CSMD3: variants seen among roughly 807,000 people sequenced by gnomAD.
CSMD3 encodes the protein CUB and Sushi multiple domains 3, also known as CUB and sushi domain-containing protein 3.
Under a neutral mutation model 435.2 loss-of-function variants are expected in CSMD3, and 177 were observed. The ratio of observed to expected loss-of-function variants is 0.41; its 90% CI spans 0.36 to 0.46. CSMD3 has a LOEUF of 0.46. Among genes scored for constraint, CSMD3 ranks in the 20% least tolerant of loss-of-function variants. The pLI, the probability that CSMD3 is intolerant of heterozygous loss-of-function variation, is 0.34. For synonymous variants in CSMD3, 1,656 were observed against 1,520.5 expected (o/e 1.09, Z -2.07); for missense variants, 4,265 against 4,504.6 (o/e 0.95, Z 1.52).
At chr8:113,079,425 CTT>C (rs2089467677) in intron 5 of CSMD3, among the ~76,000 whole-genome samples, 1 of 151,940 alleles carries the variant, frequency 6.6e-6, no homozygotes, top group Non-Finnish European at 1.5e-5. Context: ...TAGTATCACA[CTT>C]TGATTTTTTT....
intron 7 of CSMD3, among the ~76,000 whole-genome samples, chr8:112,960,850 T>C (rs2084199791): frequency 6.6e-6 from 1 of 151,740 alleles, no homozygotes; most frequent in African/African-American, 2.4e-5. Context: ...TATAATTATG[T>C]AAAATCGTAA....
chr8:112,986,804 C>G (rs1293701344), intron 6 of CSMD3, among the ~76,000 whole-genome samples: 1 of 152,000 alleles, frequency 6.6e-6, no homozygotes, highest in Non-Finnish European at 1.5e-5. Context: ...TTTACCCAAC[C>G]TCACAATATC....
intron 32 of CSMD3, among the ~76,000 whole-genome samples, chr8:112,447,304 A>G (rs1815716778): frequency 6.6e-6 from 1 of 152,188 alleles, no homozygotes; most frequent in Admixed American, 6.5e-5. Context: ...AACAGAATAA[A>G]TAAAATGAAA....
intron 11 of CSMD3, among the ~76,000 whole-genome samples, chr8:112,855,334 G>C (rs2080617164): frequency 1.3e-5 from 2 of 152,026 alleles, no homozygotes. Context: ...AGCTGCAAAG[G>C]ACGCAATTTC....
intron 4 of CSMD3, among the ~76,000 whole-genome samples, chr8:113,120,017 T>A (rs773020227): frequency 1.4e-4 from 22 of 151,916 alleles, no homozygotes; most frequent in South Asian, 2.1e-4. Flanking sequence ...ATAAAAAAAA[T>A]TTTCCTAATC....
At chr8:112,656,597 ATTATC>A (rs919865352) in intron 17 of CSMD3, among the ~76,000 whole-genome samples, 1 of 152,146 alleles carries the variant, frequency 6.6e-6, no homozygotes, top group Non-Finnish European at 1.5e-5. Context: ...AATATTATAA[ATTATC>A]TTATAACTGG....
chr8:112,426,721 C>T (rs565059063), intron 32 of CSMD3, among the ~76,000 whole-genome samples: 10 of 152,164 alleles, frequency 6.6e-5, no homozygotes, highest in Non-Finnish European at 1.0e-4. Context: ...AATTATTGCA[C>T]TATTTTGAAA....
intron 22 of CSMD3, among the ~76,000 whole-genome samples, chr8:112,624,081 T>A (rs1834291785): frequency 6.6e-6 from 1 of 152,010 alleles, no homozygotes; most frequent in Non-Finnish European, 1.5e-5. Flanking sequence ...TTTTTGAAAA[T>A]TTTTAATGCT....
intron 38 of CSMD3, among the ~76,000 whole-genome samples, chr8:112,373,589 C>T (rs1352081169): frequency 6.6e-6 from 1 of 151,990 alleles, no homozygotes. Context: ...TATATCTCAA[C>T]CAGCATTTTG....
At chr8:112,468,635 T>G (rs1392548889) in intron 32 of CSMD3, among the ~76,000 whole-genome samples, 2 of 152,132 alleles carry the variant, frequency 1.3e-5, no homozygotes, top group African/African-American at 2.4e-5. Flanking sequence ...AAATTGGTCT[T>G]CCATGTTTCT....
intron 6 of CSMD3, among the ~76,000 whole-genome samples, chr8:112,979,516 C>G (rs929846243): frequency 4.0e-5 from 6 of 151,418 alleles, no homozygotes; most frequent in African/African-American, 1.2e-4. Flanking sequence ...GAATACACAA[C>G]TATTTTATTA....
intron 32 of CSMD3, among the ~76,000 whole-genome samples, chr8:112,468,715 T>C (rs6993094): frequency 0.014 from 2,185 of 152,164 alleles, 50 homozygotes; most frequent in African/African-American, 0.05. Flanking sequence ...TGATTAAGCA[T>C]TGAAAAATGA....
rs1375024052 is a variant in CSMD3 at position 112,406,685 on chromosome 8, T to C, written c.5648A>G (p.Glu1883Gly). The C allele has an allele frequency of 6.2e-7, 1 of 1,611,948 alleles. No individual in the cohort carries two copies. Among genetic ancestry groups the C allele is most frequent in the Non-Finnish European group, 8.5e-7 (1 of 1,178,456 alleles). ...GCCAATTCTTCTTCCGAATCTTGGTTCAGGCACAGAACTGCATTGTGTAGA... is the reference window on the plus strand; with the variant it reads ...GCCAATTCTTCTTCCGAATCTTGGTCCAGGCACAGAACTGCATTGTGTAGA... ...TSSTQCSSVP[E>G]PRFGRRIGNE... Residue 1883 changes from glutamate to glycine, a missense_variant, in exon 35 of 71, where the codon GAA (glutamate) becomes GGA (glycine). Physicochemically the swap from Glu to Gly is moderately conservative, Grantham distance 98. Coordinates refer to ENST00000297405, the MANE Select transcript of CSMD3 (RefSeq NM_198123.2).
chr8:112,574,947 T>G (rs1042585021), intron 23 of CSMD3, among the ~76,000 whole-genome samples: 1 of 151,944 alleles, frequency 6.6e-6, no homozygotes, highest in Non-Finnish European at 1.5e-5. Context: ...TGTTCCTCCA[T>G]AATTACATTG....
chr8:112,372,903 C>G (rs890447238), intron 38 of CSMD3, among the ~76,000 whole-genome samples: 1 of 149,828 alleles, frequency 6.7e-6, no homozygotes, highest in African/African-American at 2.5e-5. Context: ...AGCCTATCCG[C>G]CAGCATTTAC....
At chr8:112,473,472 T>G (rs192685302) in intron 31 of CSMD3, among the ~76,000 whole-genome samples, 19 of 152,114 alleles carry the variant, frequency 1.2e-4, no homozygotes, top group Non-Finnish European at 2.4e-4. Flanking sequence ...GTATGTAGAA[T>G]GAGAAAAGAT....
At chr8:112,405,234 T>TATATATATATATATATATATATAC (rs1831726708) in intron 35 of CSMD3, among the ~76,000 whole-genome samples, 1 of 93,578 alleles carries the variant, frequency 1.1e-5, no homozygotes, top group African/African-American at 4.7e-5. Context: ...TATATATATA[T>TATATATATATATATATATATATAC]ATATATATAT....
chr8:112,618,103 A>G (rs1833795096), intron 22 of CSMD3, among the ~76,000 whole-genome samples: 2 of 152,086 alleles, frequency 1.3e-5, no homozygotes, highest in South Asian at 4.1e-4. Context: ...TGAAAAAGAG[A>G]TCTCCAGGTT....
intron 6 of CSMD3, among the ~76,000 whole-genome samples, chr8:113,012,093 T>G (rs1222320968): frequency 6.6e-6 from 1 of 151,884 alleles, no homozygotes; most frequent in Non-Finnish European, 1.5e-5. Context: ...GATTAGAGAT[T>G]ATTCTCAAAT....
Sources: allele counts gnomAD v4.1 joint callset (sites outside exome capture counted in the v4.1 genomes callset), GRCh38; gene constraint gnomAD v4.1.1; transcripts MANE v1.5; gene names NCBI Gene and HGNC (gene_info 2026-07-23, HGNC 2026-07-21).